The following FAM227A variants were observed in gnomAD, a reference collection of about 807,000 sequenced individuals.
The protein encoded by FAM227A is protein FAM227A.
Under a neutral mutation model 74.7 loss-of-function variants are expected in FAM227A, and 80 were observed. The ratio of observed to expected loss-of-function variants is 1.07; its 90% confidence interval spans 0.89 to 1.29. The LOEUF is 1.29. Among genes scored for constraint, FAM227A ranks in the 50% most tolerant of loss-of-function variants. The pLI is 0.00. For synonymous variants in FAM227A, 237 were observed against 241.8 expected (o/e 0.98, Z 0.19); for missense variants, 654 against 683.4 (o/e 0.96, Z 0.48).
chr22:38,645,593 A>G lies in FAM227A; in HGVS notation c.195T>C (p.Asn65=), dbSNP rs1430133194. 1 of 1,551,358 alleles carries G rather than the reference A, an allele frequency of 6.4e-7. No homozygotes were observed. The change falls in exon 3 of 17, where the codon AAT becomes AAC. Residue 65 remains asparagine, a synonymous_variant. Coordinates refer to ENST00000535113, the MANE Select transcript of FAM227A (RefSeq NM_001013647.2). ...HQVNQKIADI[N]LRTEPSANSL... is the part of the protein sequence containing the mutation. Reference sequence around the variant, plus strand: ...TGTTGGCCGACGGCTCGGTACGCAGATTTATGTCAGCAATCTTTTGGTTCA... The same window carrying G: ...TGTTGGCCGACGGCTCGGTACGCAGGTTTATGTCAGCAATCTTTTGGTTCA...
intron 11 of FAM227A, among the ~76,000 whole-genome samples, chr22:38,614,652 G>C (rs2091538864): frequency 6.6e-6 from 1 of 152,122 alleles, no homozygotes; most frequent in South Asian, 2.1e-4. Flanking sequence ...CCTCTATCCT[G>C]GTTTGCCCAT....
At chr22:38,603,487 C>CAAAAAAAAAAAAA (rs71197122) in intron 13 of FAM227A, among the ~76,000 whole-genome samples, 1 of 123,060 alleles carries the variant, frequency 8.1e-6, no homozygotes. Context: ...GACTCCGTCT[C>CAAAAAAAAAAAAA]AAAAAAAAAA....
chr22:38,625,920 G>A (rs1045299158), intron 9 of FAM227A, among the ~76,000 whole-genome samples: 1 of 147,816 alleles, frequency 6.8e-6, no homozygotes, highest in African/African-American at 2.6e-5. Flanking sequence ...TCCAGCCTGG[G>A]TGACCGAGCG....
intron 1 of FAM227A, among the ~76,000 whole-genome samples, chr22:38,655,429 G>A (rs926535809): frequency 4.6e-5 from 7 of 151,580 alleles, no homozygotes; most frequent in South Asian, 4.1e-4. Flanking sequence ...TACTTGGGAG[G>A]TGAACACAGC....
At chr22:38,588,933 A>G (rs2090871562) in intron 16 of FAM227A, among the ~76,000 whole-genome samples, 1 of 151,554 alleles carries the variant, frequency 6.6e-6, no homozygotes. Context: ...ATCTCAAAAA[A>G]AAAAAAAAAA....
intron 3 of FAM227A, among the ~76,000 whole-genome samples, chr22:38,641,958 TGTGTGTGTGTGTGTGTGCGCAC>T (rs1333391724): frequency 7.0e-6 from 1 of 142,348 alleles, no homozygotes; most frequent in South Asian, 2.3e-4. Flanking sequence ...GGTGTGTGTG[TGTGTGTGTGTGTGTGTGCGCAC>T]GTGTGTGTGC....
At chr22:38,647,738 T>A (rs1030926059) in intron 2 of FAM227A, among the ~76,000 whole-genome samples, 38 of 152,248 alleles carry the variant, frequency 2.5e-4, no homozygotes, top group Non-Finnish European at 7.4e-5. Flanking sequence ...CACCCCTCAC[T>A]CCCTTCACAT....
chr22:38,613,579 G>A (rs191900180), intron 11 of FAM227A, among the ~76,000 whole-genome samples: 39 of 149,250 alleles, frequency 2.6e-4, no homozygotes, highest in Admixed American at 9.6e-4. Flanking sequence ...CATATATAAC[G>A]GGGAAGGTGT....
chr22:38,608,096 A>C lies in FAM227A; in HGVS notation c.1039-620T>G, dbSNP rs116938370. 5.3e-5 allele frequency among the ~76,000 whole-genome samples: 8 copies of C among 151,252 alleles called. No homozygotes were observed. The East Asian group carries it at 1.2e-3, about 22-fold the overall frequency. ...CAGAGACTCAAAATAACAGTGGCTC[A>C]AACTAGGTAGAAATTTCTCTCCCAC... On this transcript the variant is annotated intron_variant, in intron 11 of 16. Transcript: ENST00000535113.
In FAM227A at chr22:38,585,983, C is replaced by T. The variant is rs368805888; in HGVS notation, c.*142G>A. ...TCACTCAGCCTAGGAAAAACTACAA[C>T]GGAATCCTTCCCCTATGGAGAAATC... is the stretch of plus-strand genomic sequence containing the variant. On this transcript the variant is annotated 3_prime_UTR_variant, in exon 17 of 17. Coordinates refer to ENST00000535113, the MANE Select transcript of FAM227A (RefSeq NM_001013647.2). 90 of 1,514,914 alleles carry T rather than the reference C, an allele frequency of 5.9e-5. No individual in the cohort carries two copies. Among genetic ancestry groups the T allele is most frequent in the East Asian group, 5.7e-4 (23 of 40,518 alleles). 93.8% of individuals were successfully genotyped at this position (1,514,914 alleles called of 1,614,324 possible). A position where few individuals can be genotyped will look rare whatever the true frequency, so the allele number is the denominator to read the frequency against.
chr22:38,592,065 C>T (rs1395010563), intron 15 of FAM227A, among the ~76,000 whole-genome samples: 2 of 151,954 alleles, frequency 1.3e-5, no homozygotes, highest in African/African-American at 4.8e-5. Context: ...TCTCCTGCCT[C>T]AGCCTCCCGA....
In FAM227A at chr22:38,583,497, GCAATAACAA is replaced by G. The variant is rs1439813212; in HGVS notation, c.*2619_*2627del. The G allele has an allele frequency of 6.5e-6, 1 of 153,986 alleles. No individual in the cohort carries two copies. The highest frequency in any genetic ancestry group is 2.4e-5 in the African/African-American group (1 of 41,422). The allele number at this position is 153,986 out of a possible 1,614,324, so 9.5% of individuals were successfully genotyped here. A position where few individuals can be genotyped will look rare whatever the true frequency, so the allele number is the denominator to read the frequency against. Reference sequence around the variant, plus strand: ...GCCAAGAAGAGTACACTTTATAACAGCAATAACAACAATAACAGCTTGTGGCAATTACAA... The same window carrying G: ...GCCAAGAAGAGTACACTTTATAACAGCAATAACAGCTTGTGGCAATTACAA... On this transcript the variant is annotated 3_prime_UTR_variant, in exon 17 of 17. Coordinates refer to ENST00000535113, the MANE Select transcript of FAM227A (RefSeq NM_001013647.2).
At chr22:38,588,820 T>C (rs2090867869) in intron 16 of FAM227A, among the ~76,000 whole-genome samples, 1 of 132,344 alleles carries the variant, frequency 7.6e-6, no homozygotes, top group Non-Finnish European at 1.6e-5. Flanking sequence ...CCCAGCTACG[T>C]GGGAAGCTGA....
intron 3 of FAM227A, among the ~76,000 whole-genome samples, chr22:38,643,918 C>A (rs1044867690): frequency 3.3e-5 from 5 of 151,992 alleles, no homozygotes; most frequent in Admixed American, 2.0e-4. Context: ...GAGGCTGAGG[C>A]GGGCGGATCA....
chr22:38,641,976 C>CGT (rs1223244788), intron 3 of FAM227A, among the ~76,000 whole-genome samples: 1 of 123,060 alleles, frequency 8.1e-6, no homozygotes, highest in African/African-American at 3.6e-5. Flanking sequence ...TGTGTGTGTG[C>CGT]GCACGTGTGT....
intron 10 of FAM227A, among the ~76,000 whole-genome samples, chr22:38,622,608 G>A (rs747027952): frequency 1.3e-5 from 2 of 152,154 alleles, no homozygotes; most frequent in Non-Finnish European, 2.9e-5. Context: ...AGGCATGGTG[G>A]CTCACGTCTG....
At chr22:38,634,871 ATC>A (rs2091973415) in intron 6 of FAM227A, among the ~76,000 whole-genome samples, 1 of 152,166 alleles carries the variant, frequency 6.6e-6, no homozygotes, top group Admixed American at 6.6e-5. Context: ...CAAACAGATC[ATC>A]TCTCTTAGGA....
At chr22:38,655,262 G>A (rs564252693) in intron 1 of FAM227A, among the ~76,000 whole-genome samples, 39 of 152,192 alleles carry the variant, frequency 2.6e-4, no homozygotes, top group African/African-American at 8.9e-4. Flanking sequence ...AGGCGCAGTG[G>A]CCCGCACCTG....
intron 14 of FAM227A, among the ~76,000 whole-genome samples, chr22:38,599,281 G>T (rs2091118866): frequency 6.6e-6 from 1 of 152,036 alleles, no homozygotes; most frequent in Admixed American, 6.6e-5. Flanking sequence ...GTTCTCTTGA[G>T]ATCTGAGCTT....
Sources: allele counts gnomAD v4.1 joint callset (sites outside exome capture counted in the v4.1 genomes callset), GRCh38; gene constraint gnomAD v4.1.1; transcripts MANE v1.5; gene names NCBI Gene and HGNC (gene_info 2026-07-23, HGNC 2026-07-21).